NEXN: variants seen among roughly 807,000 people sequenced by gnomAD.
The protein encoded by NEXN is nexilin.
Under a neutral mutation model 92.6 loss-of-function variants are expected in NEXN, and 65 were observed. The observed-to-expected ratio is 0.70, with a 90% CI of 0.57 to 0.86. The LOEUF (loss-of-function observed/expected upper bound fraction) is 0.86, where lower values mean the gene tolerates loss of function less well. NEXN is among the 40% of genes least tolerant of loss of function. The pLI, the probability that NEXN is intolerant of heterozygous loss-of-function variation, is 0.00. For missense variants in NEXN, 778 were observed against 771.1 expected (o/e 1.01, Z -0.11); for synonymous variants, 254 against 242.5 (o/e 1.05, Z -0.44).
At chr1:77,900,559 C>G (rs890430718) in intron 1 of NEXN, among the ~76,000 whole-genome samples, 1 of 152,182 alleles carries the variant, frequency 6.6e-6, no homozygotes, top group African/African-American at 2.4e-5. Flanking sequence ...CAGACCTCAT[C>G]TGTCAAATTT....
chr1:77,923,160 ATTTTT>A (rs763944057), intron 5 of NEXN, among the ~76,000 whole-genome samples: 1 of 124,380 alleles, frequency 8.0e-6, no homozygotes. Flanking sequence ...CACCCAGCTA[ATTTTT>A]TTTTTTTTTT....
At chr1:77,927,802 CTT>C (rs879332113) in intron 8 of NEXN, among the ~76,000 whole-genome samples, 5 of 140,962 alleles carry the variant, frequency 3.5e-5, no homozygotes, top group Admixed American at 7.1e-5. Context: ...GCGCCTACTT[CTT>C]TTTTTTTTTA....
At chr1:77,903,501 G>A (rs1647876948) in intron 1 of NEXN, among the ~76,000 whole-genome samples, 1 of 152,078 alleles carries the variant, frequency 6.6e-6, no homozygotes, top group Non-Finnish European at 1.5e-5. Context: ...AACCAGTAAA[G>A]TGAATACTTT....
intron 11 of NEXN, among the ~76,000 whole-genome samples, chr1:77,940,160 T>C (rs181760787): frequency 3.9e-5 from 6 of 152,310 alleles, no homozygotes; most frequent in African/African-American, 1.4e-4. Flanking sequence ...CCATCCCAGC[T>C]CCTGTAGCAC....
chr1:77,913,524 T>C (rs1269640801), intron 1 of NEXN, among the ~76,000 whole-genome samples: 1 of 151,748 alleles, frequency 6.6e-6, no homozygotes, highest in African/African-American at 2.4e-5. Flanking sequence ...TTTAATATAA[T>C]TCTAATTTAA....
chr1:77,907,404 T>A (rs1192969858), intron 1 of NEXN, among the ~76,000 whole-genome samples: 1 of 152,252 alleles, frequency 6.6e-6, no homozygotes, highest in African/African-American at 2.4e-5. Flanking sequence ...ATTTAAGAGA[T>A]GTGAGTTCTA....
intron 11 of NEXN, 26 bp downstream of exon 11, chr1:77,936,070 G>C: frequency 6.8e-7 from 1 of 1,473,434 alleles, no homozygotes; most frequent in Non-Finnish European, 9.5e-7. Flanking sequence ...ATTTAACATA[G>C]TTATGGTACA....
intron 11 of NEXN, among the ~76,000 whole-genome samples, chr1:77,938,802 A>C (rs145047973): frequency 2.0e-5 from 3 of 152,272 alleles, no homozygotes; most frequent in East Asian, 3.9e-4. Flanking sequence ...GATAGAGGAG[A>C]AGCCTTCCAG....
intron 2 of NEXN, 106 bp downstream of exon 2, chr1:77,916,239 A>G (rs1648967287): frequency 1.4e-6 from 1 of 711,778 alleles, no homozygotes; most frequent in Non-Finnish European, 2.3e-6. Context: ...TTAGGAGTTC[A>G]TAATTAATAA....
At chr1:77,929,547 T>G in intron 9 of NEXN, 43 bp downstream of exon 9, 1 of 1,607,700 alleles carries the variant, frequency 6.2e-7, no homozygotes, top group African/African-American at 1.3e-5. Context: ...GAATTCACCT[T>G]TGAGAATATG....
At chr1:77,930,186 C>T (rs1650177778) in intron 9 of NEXN, among the ~76,000 whole-genome samples, 1 of 152,178 alleles carries the variant, frequency 6.6e-6, no homozygotes, top group African/African-American at 2.4e-5. Context: ...TGGTTTTCTT[C>T]CTCTGTATGG....
intron 11 of NEXN, among the ~76,000 whole-genome samples, chr1:77,939,228 A>C (rs1033306228): frequency 6.6e-6 from 1 of 152,186 alleles, no homozygotes; most frequent in African/African-American, 2.4e-5. Flanking sequence ...ATGATGCTAT[A>C]GAGAAATCAG....
chr1:77,918,456 T>C (rs951636733), intron 5 of NEXN, among the ~76,000 whole-genome samples, 183 bp downstream of exon 5: 4 of 151,962 alleles, frequency 2.6e-5, no homozygotes, highest in African/African-American at 7.3e-5. Context: ...GCTGGGTGGA[T>C]CGCTTCGACA....
intron 11 of NEXN, among the ~76,000 whole-genome samples, chr1:77,938,264 C>CT (rs1236615228): frequency 6.6e-6 from 1 of 152,152 alleles, no homozygotes; most frequent in African/African-American, 2.4e-5. Context: ...AACACCATTT[C>CT]TATTTTTTAA....
chr1:77,918,498 C>T (rs1649166608), intron 5 of NEXN, among the ~76,000 whole-genome samples: 1 of 151,810 alleles, frequency 6.6e-6, no homozygotes, highest in African/African-American at 2.4e-5. Flanking sequence ...AATCCTGTCT[C>T]TACAAAAAAA....
chr1:77,917,992 A>G lies in NEXN; in HGVS notation c.252A>G (p.Glu84=), dbSNP rs1348131714. ...AAATGCTTGCTTCTGATGATGAGGA[A>G]GATGTATCTTCTAAAGTAGAAAAGG... is the stretch of plus-strand genomic sequence containing the variant. ...IKEMLASDDE[E]DVSSKVEKAY... is the part of the protein sequence containing the mutation. The change falls in exon 4 of 13, where the codon GAA becomes GAG. Residue 84 remains glutamate, a synonymous_variant. Coordinates refer to ENST00000334785, the MANE Select transcript of NEXN (RefSeq NM_144573.4). The G allele has an allele frequency of 6.2e-7, 1 of 1,613,462 alleles. No individual in the cohort carries two copies. Among genetic ancestry groups the G allele is most frequent in the Admixed American group, 1.7e-5 (1 of 60,022 alleles).
intron 1 of NEXN, among the ~76,000 whole-genome samples, chr1:77,890,264 T>C (rs546073565): frequency 6.6e-6 from 1 of 152,380 alleles, no homozygotes; most frequent in East Asian, 1.9e-4. Flanking sequence ...TTATGTAGTT[T>C]ATCTGCAATT....
intron 5 of NEXN, among the ~76,000 whole-genome samples, chr1:77,921,370 A>G (rs1011144474): frequency 1.3e-5 from 2 of 152,210 alleles, no homozygotes; most frequent in Non-Finnish European, 2.9e-5. Context: ...AATAAAAGAA[A>G]GTTGAGTTAA....
intron 11 of NEXN, chr1:77,941,795 A>T (rs764743373): frequency 9.6e-6 from 5 of 522,730 alleles, no homozygotes; most frequent in Admixed American, 3.2e-5. Flanking sequence ...TGATATTGTG[A>T]TCTTTACATT....
Sources: gnomAD v4.1 joint callset for allele counts (sites outside exome capture counted in the v4.1 genomes callset) on GRCh38, gnomAD v4.1.1 for gene constraint, MANE v1.5 for transcripts, NCBI Gene and HGNC (gene_info 2026-07-23, HGNC 2026-07-21) for gene names.